The following ZNF536 variants were observed in gnomAD, a reference collection of about 807,000 sequenced individuals.
ZNF536 encodes the protein zinc finger protein 536.
Under a neutral mutation model 84.5 loss-of-function variants are expected in ZNF536, and 13 were observed. The ratio of observed to expected loss-of-function variants is 0.15; its 90% CI spans 0.10 to 0.24. ZNF536 has a LOEUF of 0.24. ZNF536 is among the 10% of genes least tolerant of loss of function. The pLI is 1.00. For missense variants in ZNF536, 1,536 were observed against 1,747.5 expected (o/e 0.88, Z 2.16); for synonymous variants, 811 against 742.5 (o/e 1.09, Z -1.50).
chr19:30,282,163 TG>T (rs2045470543), intron 1 of ZNF536, among the ~76,000 whole-genome samples: 1 of 152,236 alleles, frequency 6.6e-6, no homozygotes, highest in Admixed American at 6.5e-5. Flanking sequence ...CTGTTTAGAC[TG>T]GATCAGAAAG....
intron 2 of ZNF536, among the ~76,000 whole-genome samples, chr19:30,469,892 C>T (rs145151922): frequency 4.6e-5 from 7 of 152,214 alleles, no homozygotes; most frequent in Non-Finnish European, 7.3e-5. Flanking sequence ...CCCAGCCCAC[C>T]CCCACATCTT....
intron 2 of ZNF536, among the ~76,000 whole-genome samples, chr19:30,347,882 G>C (rs912065588): frequency 6.6e-6 from 1 of 152,212 alleles, no homozygotes; most frequent in African/African-American, 2.4e-5. Context: ...GGGAGACAAA[G>C]ATGGGTGACC....
intron 1 of ZNF536, among the ~76,000 whole-genome samples, chr19:30,570,006 G>T (rs2046488052): frequency 6.6e-6 from 1 of 152,196 alleles, no homozygotes. Flanking sequence ...GGAGGGGAGT[G>T]CTTCTGGCAT....
At chr19:30,588,227 G>T (rs1301086700) in intron 1 of ZNF536, among the ~76,000 whole-genome samples, 1 of 152,240 alleles carries the variant, frequency 6.6e-6, no homozygotes, top group Non-Finnish European at 1.5e-5. Flanking sequence ...AGCAGAAAAA[G>T]CAGAGTGTTC....
chr19:30,383,872 T>C (rs2049174360), intron 1 of ZNF536, among the ~76,000 whole-genome samples: 1 of 88,214 alleles, frequency 1.1e-5, no homozygotes, highest in Non-Finnish European at 2.2e-5. Context: ...CCTTCCTTCC[T>C]CCCCCCTCCC....
rs1421344258 is a variant in ZNF536 at position 30,444,242 on chromosome 19, C to G, written c.680C>G (p.Pro227Arg). The G allele has an allele frequency of 2.6e-6, 4 of 1,545,208 alleles. No homozygotes were observed. The highest frequency in any genetic ancestry group is 3.5e-6 in the Non-Finnish European group (4 of 1,151,540). ...LLQPRPDLKP[P>R]PHAQQAPLAA... The stretch of plus-strand genomic sequence containing the variant: ...CAGCCCCGGCCGGACCTGAAGCCCC[C>G]GCCGCACGCCCAGCAGGCCCCGCTG... The change falls in exon 2 of 5, where the codon CCG (proline) becomes CGG (arginine). Residue 227 changes from proline to arginine, a missense_variant. Physicochemically the swap from Pro to Arg is moderately radical, Grantham distance 103. Transcript: ENST00000355537.
At chr19:30,423,542 C>T (rs1352046668) in intron 1 of ZNF536, among the ~76,000 whole-genome samples, 1 of 152,204 alleles carries the variant, frequency 6.6e-6, no homozygotes, top group Non-Finnish European at 1.5e-5. Context: ...TCCCTTTTCT[C>T]TGTCACTGCT....
chr19:30,542,740 G>A (rs569812992), intron 3 of ZNF536, among the ~76,000 whole-genome samples: 2 of 152,290 alleles, frequency 1.3e-5, no homozygotes, highest in African/African-American at 4.8e-5. Context: ...ACCCTTCAGT[G>A]TTTGAAAAGT....
intron 4 of ZNF536, among the ~76,000 whole-genome samples, chr19:30,550,555 G>C (rs1470036330): frequency 6.6e-6 from 1 of 151,020 alleles, no homozygotes; most frequent in Non-Finnish European, 1.5e-5. Flanking sequence ...GTGGAAGGAA[G>C]GCAGGAAGGC....
intron 1 of ZNF536, among the ~76,000 whole-genome samples, chr19:30,374,323 C>A (rs1312031683): frequency 6.6e-6 from 1 of 151,888 alleles, no homozygotes; most frequent in Non-Finnish European, 1.5e-5. Context: ...TATCTTAAAT[C>A]TCCATCTTTT....
At chr19:30,559,219 C>T (rs777209270), downstream of ZNF536, among the ~76,000 whole-genome samples, 35 of 152,198 alleles carry the variant, frequency 2.3e-4, no homozygotes, top group Non-Finnish European at 4.1e-4. Flanking sequence ...CGACTGTTGC[C>T]TGATTCCCTT....
intron 2 of ZNF536, among the ~76,000 whole-genome samples, chr19:30,469,331 G>A (rs1343837989): frequency 6.6e-6 from 1 of 152,068 alleles, no homozygotes; most frequent in Non-Finnish European, 1.5e-5. Context: ...AGGATGGCAT[G>A]AACCCAGAAG....
chr19:30,264,765 T>G (rs905350612), intron 1 of ZNF536, among the ~76,000 whole-genome samples: 1 of 152,136 alleles, frequency 6.6e-6, no homozygotes, highest in African/African-American at 2.4e-5. Flanking sequence ...GAGGGTCAGT[T>G]GCTATTTCTA....
intron 1 of ZNF536, chr19:30,436,492 G>A (rs1466201215): frequency 1.0e-6 from 1 of 984,170 alleles, no homozygotes; most frequent in Non-Finnish European, 1.2e-6. Flanking sequence ...AAATGCACTT[G>A]CTCAGCATAG....
rs1254461994 is a variant in ZNF536 at position 30,636,404 on chromosome 19, G to A, written c.170-74353G>A. 3.3e-5 allele frequency among the ~76,000 whole-genome samples: 5 copies of A among 152,222 alleles called. No individual in the cohort carries two copies. The East Asian group carries it at 9.7e-4, about 30-fold the overall frequency. The stretch of plus-strand genomic sequence containing the variant: ...TGAGCAAAGATTCCCATCCTCATGA[G>A]GCCCTTGTCTCTTCATGGATAAAAG... On this transcript the variant is annotated intron_variant, in intron 1 of 1. Coordinates refer to the ZNF536 transcript ENST00000592773.
intron 1 of ZNF536, among the ~76,000 whole-genome samples, chr19:30,636,541 G>A (rs549959907): frequency 1.3e-5 from 2 of 152,154 alleles, no homozygotes; most frequent in African/African-American, 4.8e-5. Flanking sequence ...AAGTCCACAG[G>A]GTGGAAGCAC....
At chr19:30,566,153 A>G (rs2046338717) in intron 1 of ZNF536, among the ~76,000 whole-genome samples, 1 of 152,210 alleles carries the variant, frequency 6.6e-6, no homozygotes, top group African/African-American at 2.4e-5. Flanking sequence ...TCAGTCAGCC[A>G]CGGCTCCTAA....
chr19:30,592,045 C>T (rs997672894), intron 1 of ZNF536, among the ~76,000 whole-genome samples: 3 of 152,184 alleles, frequency 2.0e-5, no homozygotes, highest in Non-Finnish European at 2.9e-5. Flanking sequence ...AAAACCTTCT[C>T]TAGTGTGATA....
chr19:30,341,268 G>T (rs945547721), intron 2 of ZNF536, among the ~76,000 whole-genome samples: 1 of 152,124 alleles, frequency 6.6e-6, no homozygotes, highest in African/African-American at 2.4e-5. Flanking sequence ...TAATTGGCAA[G>T]GAAAAAAATA....
Sources: allele counts gnomAD v4.1 joint callset (sites outside exome capture counted in the v4.1 genomes callset), GRCh38; gene constraint gnomAD v4.1.1; transcripts MANE v1.5; gene names NCBI Gene and HGNC (gene_info 2026-07-23, HGNC 2026-07-21).